Variants in SLC41A2 observed in about 807,000 individuals in gnomAD.
SLC41A2 encodes solute carrier family 41 member 2.
Under a neutral mutation model 58.3 loss-of-function variants are expected in SLC41A2, and 32 were observed. That is an observed-to-expected ratio of 0.55 (90% confidence interval 0.41 to 0.74). The LOEUF (loss-of-function observed/expected upper bound fraction) is 0.74, where lower values mean the gene tolerates loss of function less well. SLC41A2 is among the 30% of genes least tolerant of loss of function. SLC41A2 has a pLI of 0.00. For missense variants in SLC41A2, 514 were observed against 680.6 expected (o/e 0.76, Z 2.72); for synonymous variants, 190 against 235.0 (o/e 0.81, Z 1.75).
At chr12:104,878,365 A>G (rs913644743) in intron 6 of SLC41A2, among the ~76,000 whole-genome samples, 2 of 149,970 alleles carry the variant, frequency 1.3e-5, no homozygotes, top group African/African-American at 4.9e-5. Flanking sequence ...CACAACGTGC[A>G]GGTTTGTTAC....
chr12:104,889,904 T>TA (rs1212370662), intron 4 of SLC41A2, among the ~76,000 whole-genome samples: 2 of 151,144 alleles, frequency 1.3e-5, no homozygotes, highest in South Asian at 2.1e-4. Flanking sequence ...AAAGCAAGAA[T>TA]AAAAAAAACC....
rs2041809734 is a variant in SLC41A2, at chr12:104,825,517, C to T, written c.1536+18955G>A. Among the ~76,000 whole-genome samples the T allele has an allele frequency of 3.9e-5, 6 of 152,134 alleles. 1 individual carries two copies. Among genetic ancestry groups the T allele is most frequent in the Admixed American group, 3.9e-4 (6 of 15,284 alleles). ...TCCCCCAGAATCTCCCCCTTTTTGC[C>T]CCTTAAACTGTTTTTCTGTTTTTTC... On this transcript the variant is annotated intron_variant, in intron 10 of 10. Transcript: ENST00000258538.
intron 1 of SLC41A2, among the ~76,000 whole-genome samples, chr12:104,944,589 G>A (rs1378189555): frequency 6.6e-6 from 1 of 152,146 alleles, no homozygotes; most frequent in African/African-American, 2.4e-5. Flanking sequence ...CCTTTGGTCA[G>A]GGCTGAGCAC....
At chr12:104,919,164 T>C (rs950049530) in intron 2 of SLC41A2, among the ~76,000 whole-genome samples, 1 of 152,242 alleles carries the variant, frequency 6.6e-6, no homozygotes, top group African/African-American at 2.4e-5. Context: ...ATCTAGGTTG[T>C]TGCATGTGTC....
chr12:104,872,536 C>G (rs1222297574), intron 6 of SLC41A2, among the ~76,000 whole-genome samples: 1 of 152,130 alleles, frequency 6.6e-6, no homozygotes, highest in Non-Finnish European at 1.5e-5. Flanking sequence ...GAGTTCAAGA[C>G]CAGCCTGGCC....
At chr12:104,843,778 C>T (rs755199007) in intron 10 of SLC41A2, among the ~76,000 whole-genome samples, 5 of 151,954 alleles carry the variant, frequency 3.3e-5, no homozygotes, top group Non-Finnish European at 7.4e-5. Flanking sequence ...CTTTGAAAAT[C>T]GCTGATTTAT....
Position 104,928,708 on chromosome 12 carries a change from A to G in SLC41A2, c.-167-14T>C. On this transcript the variant is annotated splice_polypyrimidine_tract_variant and intron_variant, in intron 1 of 10. Transcript: ENST00000258538. ...GAAGGACTGGATCTGGAAAAATAAA[A>G]TAATTTTTAAAAATCAGAGAAACAA... is the stretch of plus-strand genomic sequence containing the variant. 7.0e-6 allele frequency: 3 copies of G among 429,228 alleles called. No individual in the cohort carries two copies. The South Asian group carries it at 2.5e-4, about 35-fold the overall frequency. The allele number at this position is 429,228 out of a possible 1,614,324, so 26.6% of individuals were successfully genotyped here.
intron 3 of SLC41A2, among the ~76,000 whole-genome samples, chr12:104,906,460 T>C (rs915860760): frequency 2.0e-5 from 3 of 152,174 alleles, no homozygotes; most frequent in South Asian, 2.1e-4. Context: ...GGGAAGGGAA[T>C]TGGGGCAGGC....
At chr12:104,925,722 A>G (rs1387702034) in intron 2 of SLC41A2, among the ~76,000 whole-genome samples, 2 of 152,204 alleles carry the variant, frequency 1.3e-5, no homozygotes, top group Non-Finnish European at 2.9e-5. Context: ...AAGTAAGTCA[A>G]CATTACTCCA....
At chr12:104,910,270 G>A (rs1593123740) in intron 2 of SLC41A2, among the ~76,000 whole-genome samples, 1 of 152,232 alleles carries the variant, frequency 6.6e-6, no homozygotes, top group East Asian at 1.9e-4. Context: ...TTGACCCCAG[G>A]AGTTCTAAGT....
intron 1 of SLC41A2, among the ~76,000 whole-genome samples, chr12:104,930,148 TTTTTTA>T (rs1330689017): frequency 2.6e-5 from 4 of 152,202 alleles, no homozygotes; most frequent in African/African-American, 9.7e-5. Context: ...CCCATAAATC[TTTTTTA>T]TTTTTAACTT....
At chr12:104,883,377 A>T (rs531782071) in intron 6 of SLC41A2, among the ~76,000 whole-genome samples, 1 of 152,216 alleles carries the variant, frequency 6.6e-6, no homozygotes, top group Non-Finnish European at 1.5e-5. Context: ...AGGAGCTGTG[A>T]ATCTTTGGAG....
chr12:104,943,973 C>T (rs918719218), intron 1 of SLC41A2, among the ~76,000 whole-genome samples: 5 of 151,834 alleles, frequency 3.3e-5, no homozygotes, highest in Admixed American at 2.0e-4. Context: ...GAGGCAGCAA[C>T]GGCTACCCTT....
intron 4 of SLC41A2, among the ~76,000 whole-genome samples, 167 bp from the exon 5 acceptor site, chr12:104,889,344 A>G (rs531877113): frequency 1.5e-4 from 23 of 152,312 alleles, no homozygotes; most frequent in Admixed American, 5.9e-4. Context: ...AATATTCCCT[A>G]AGATGGTGGG....
chr12:104,816,821 C>T (rs931054909), intron 10 of SLC41A2, among the ~76,000 whole-genome samples: 5 of 152,260 alleles, frequency 3.3e-5, no homozygotes, highest in Middle Eastern at 3.4e-3. Context: ...AGTTGTCCCT[C>T]GGTATCCATA....
chr12:104,892,409 T>C (rs2045054204), intron 4 of SLC41A2, among the ~76,000 whole-genome samples: 1 of 151,732 alleles, frequency 6.6e-6, no homozygotes, highest in Admixed American at 6.6e-5. Context: ...GAATAATCAA[T>C]ATTGTTAAAA....
At chr12:104,864,468 T>G (rs769809871) in intron 7 of SLC41A2, among the ~76,000 whole-genome samples, 2 of 152,212 alleles carry the variant, frequency 1.3e-5, no homozygotes, top group Non-Finnish European at 2.9e-5. Context: ...ATGTAACTTA[T>G]TTTTTCTCTG....
intron 1 of SLC41A2, among the ~76,000 whole-genome samples, chr12:104,930,124 G>C (rs1392134706): frequency 2.0e-5 from 3 of 152,196 alleles, no homozygotes; most frequent in African/African-American, 7.2e-5. Context: ...GACTCAGAAT[G>C]TGTGTGTTTG....
At chr12:104,831,444 G>C (rs1178132120) in intron 10 of SLC41A2, among the ~76,000 whole-genome samples, 2 of 152,068 alleles carry the variant, frequency 1.3e-5, no homozygotes, top group East Asian at 3.8e-4. Flanking sequence ...TCCAAATAAT[G>C]ACATTTCTGT....
Sources: allele counts gnomAD v4.1 joint callset (sites outside exome capture counted in the v4.1 genomes callset), GRCh38; gene constraint gnomAD v4.1.1; transcripts MANE v1.5; gene names NCBI Gene and HGNC (gene_info 2026-07-23, HGNC 2026-07-21).